PALM2AKAP2: variants seen among roughly 807,000 people sequenced by gnomAD.
PALM2AKAP2 encodes PALM2 and AKAP2 fusion.
A neutral mutation model predicts 71.5 loss-of-function variants in PALM2AKAP2; 37 were observed. The ratio of observed to expected loss-of-function variants is 0.52; its 90% CI spans 0.40 to 0.68. The LOEUF (loss-of-function observed/expected upper bound fraction) is 0.68, where lower values mean the gene tolerates loss of function less well. PALM2AKAP2 is among the 30% of genes least tolerant of loss of function. The pLI is 0.00. For missense variants in PALM2AKAP2, 1,224 were observed against 1,191.8 expected, an observed-to-expected ratio of 1.03 and a Z score of -0.40; for synonymous variants, 468 against 478.8, an observed-to-expected ratio of 0.98 and a Z score of 0.29.
intron 6 of PALM2AKAP2, among the ~76,000 whole-genome samples, chr9:110,010,737 C>T (rs972465822): frequency 8.1e-5 from 12 of 148,390 alleles, no homozygotes; most frequent in African/African-American, 2.9e-4. Context: ...CGGTGGCTCA[C>T]GCTTGTAATC....
chr9:109,666,037 C>A (rs1310194272), intron 1 of PALM2AKAP2, among the ~76,000 whole-genome samples: 2 of 152,222 alleles, frequency 1.3e-5, no homozygotes, highest in Non-Finnish European at 2.9e-5. Context: ...GTTGCTAAGA[C>A]CTTGGGAACA....
chr9:109,999,783 C>G (rs1306163891), intron 6 of PALM2AKAP2, among the ~76,000 whole-genome samples: 1 of 152,198 alleles, frequency 6.6e-6, no homozygotes, highest in African/African-American at 2.4e-5. Flanking sequence ...GGGCCATGAT[C>G]AGAACTGTGA....
chr9:109,685,934 G>T (rs1334979861), intron 1 of PALM2AKAP2, among the ~76,000 whole-genome samples: 1 of 152,072 alleles, frequency 6.6e-6, no homozygotes, highest in Non-Finnish European at 1.5e-5. Flanking sequence ...CTAAGTTTAT[G>T]TAATATTCTA....
At chr9:109,888,811 G>T (rs1396904449) in intron 3 of PALM2AKAP2, among the ~76,000 whole-genome samples, 1 of 152,022 alleles carries the variant, frequency 6.6e-6, no homozygotes, top group Non-Finnish European at 1.5e-5. Context: ...TGACATTTAG[G>T]GCTGGATAGT....
chr9:110,020,324 T>C (rs1055774024), intron 7 of PALM2AKAP2, among the ~76,000 whole-genome samples: 5 of 152,204 alleles, frequency 3.3e-5, no homozygotes, highest in Admixed American at 2.0e-4. Context: ...CTTGCCATGA[T>C]TGTAAGTTTC....
exon 6 of PALM2AKAP2, chr9:109,932,021 A>G (rs1831114843): frequency 1.2e-6 from 2 of 1,612,562 alleles, no homozygotes; most frequent in African/African-American, 2.7e-5. Context: ...GGACCAGCAG[A>G]GCGGCTGGTA....
At chr9:109,651,881 A>C (rs1452772143) in intron 1 of PALM2AKAP2, among the ~76,000 whole-genome samples, 1 of 152,210 alleles carries the variant, frequency 6.6e-6, no homozygotes, top group African/African-American at 2.4e-5. Flanking sequence ...TATTTAAAGA[A>C]ATGAAATCTC....
At chr9:109,894,171 T>C (rs1211985212) in intron 3 of PALM2AKAP2, among the ~76,000 whole-genome samples, 2 of 152,044 alleles carry the variant, frequency 1.3e-5, no homozygotes, top group Non-Finnish European at 2.9e-5. Context: ...ACCCCGTCTC[T>C]ACTAAAAATA....
chr9:109,723,179 C>G (rs532231418), intron 1 of PALM2AKAP2, among the ~76,000 whole-genome samples: 45 of 152,290 alleles, frequency 3.0e-4, no homozygotes, highest in Admixed American at 1.4e-3. Context: ...AAAGAGCTGA[C>G]AAAAGCTTCA....
chr9:109,954,190 G>C (rs190400478), intron 6 of PALM2AKAP2, among the ~76,000 whole-genome samples: 13 of 152,162 alleles, frequency 8.5e-5, no homozygotes, highest in Admixed American at 8.5e-4. Flanking sequence ...GGAGTGGCAC[G>C]TCAGTCTCTG....
intron 5 of PALM2AKAP2, among the ~76,000 whole-genome samples, chr9:109,928,418 C>T (rs535178204): frequency 3.3e-5 from 5 of 152,310 alleles, no homozygotes; most frequent in African/African-American, 9.6e-5. Flanking sequence ...CTGCTTTCCA[C>T]CTTCTCTGTC....
intron 1 of PALM2AKAP2, among the ~76,000 whole-genome samples, chr9:109,825,469 C>T (rs1016665301): frequency 5.3e-5 from 8 of 152,150 alleles, no homozygotes; most frequent in Non-Finnish European, 7.3e-5. Context: ...ACTCATCTGA[C>T]GAAGGGCTAA....
intron 6 of PALM2AKAP2, among the ~76,000 whole-genome samples, chr9:109,952,389 C>A (rs1270945134): frequency 1.3e-5 from 2 of 152,184 alleles, no homozygotes; most frequent in Non-Finnish European, 1.5e-5. Flanking sequence ...AAATGGTTTT[C>A]TTTGAGGAGA....
chr9:109,820,786 A>C (rs1827976647), intron 1 of PALM2AKAP2, among the ~76,000 whole-genome samples: 1 of 152,192 alleles, frequency 6.6e-6, no homozygotes, highest in African/African-American at 2.4e-5. Flanking sequence ...GAGGCACTGG[A>C]GTGGATATGA....
chr9:109,850,417 G>A (rs931731283), intron 1 of PALM2AKAP2, among the ~76,000 whole-genome samples: 8 of 152,066 alleles, frequency 5.3e-5, no homozygotes, highest in African/African-American at 1.9e-4. Flanking sequence ...GGTGTTTTCT[G>A]TGGTTCTGAG....
chr9:110,056,039 T>C (rs1437693557), intron 1 of PALM2AKAP2, among the ~76,000 whole-genome samples: 4 of 152,134 alleles, frequency 2.6e-5, no homozygotes, highest in Admixed American at 6.5e-5. Context: ...CCATGAAAGG[T>C]GCCATGCCGT....
At chr9:109,938,243 T>G (rs1831277368) in intron 6 of PALM2AKAP2, among the ~76,000 whole-genome samples, 1 of 152,206 alleles carries the variant, frequency 6.6e-6, no homozygotes, top group Non-Finnish European at 1.5e-5. Context: ...CATTTAAACA[T>G]TCACACCTCT....
intron 1 of PALM2AKAP2, among the ~76,000 whole-genome samples, chr9:109,741,437 T>C (rs1828714226): frequency 6.6e-6 from 1 of 152,242 alleles, no homozygotes. Context: ...CAGGTCTTAT[T>C]GTGCATATAC....
At chr9:110,128,419 C>T (rs1835665441) in intron 1 of PALM2AKAP2, among the ~76,000 whole-genome samples, 1 of 152,200 alleles carries the variant, frequency 6.6e-6, no homozygotes, top group Non-Finnish European at 1.5e-5. Context: ...TCTGATTTCA[C>T]AGCTATGAGG....
Sources: gnomAD v4.1 joint callset for allele counts (sites outside exome capture counted in the v4.1 genomes callset) on GRCh38, gnomAD v4.1.1 for gene constraint, MANE v1.5 for transcripts, NCBI Gene and HGNC (gene_info 2026-07-23, HGNC 2026-07-21) for gene names.